SNTG2: variants seen among roughly 807,000 people sequenced by gnomAD.
SNTG2 encodes gamma-2-syntrophin.
In SNTG2, 74 loss-of-function variants were observed where a neutral mutation model predicts 70.9. The observed-to-expected ratio is 1.04, with a 90% CI of 0.86 to 1.27. The LOEUF (loss-of-function observed/expected upper bound fraction) is 1.27. Ranked by LOEUF, SNTG2 falls within the 50% of genes most tolerant of loss-of-function variation. SNTG2 has a pLI of 0.00. For missense variants in SNTG2, 717 were observed against 690.7 expected (o/e 1.04, Z -0.43); for synonymous variants, 278 against 273.8 (o/e 1.02, Z -0.15).
At chr2:1,142,993 C>T (rs530512233) in intron 6 of SNTG2, among the ~76,000 whole-genome samples, 13 of 152,110 alleles carry the variant, frequency 8.5e-5, no homozygotes, top group Non-Finnish European at 1.8e-4. Flanking sequence ...TGGCCAGATG[C>T]ATATTGAGGA....
chr2:1,270,568 C>A (rs1437438085), intron 14 of SNTG2, among the ~76,000 whole-genome samples: 3 of 152,180 alleles, frequency 2.0e-5, no homozygotes, highest in African/African-American at 7.2e-5. Flanking sequence ...AGGATCTACG[C>A]AAGATTTCAA....
intron 16 of SNTG2, among the ~76,000 whole-genome samples, chr2:1,356,775 C>T (rs775020386): frequency 2.0e-5 from 3 of 152,202 alleles, no homozygotes; most frequent in East Asian, 3.9e-4. Context: ...CACATTTTAA[C>T]AATATTAAGA....
At chr2:1,153,429 T>C (rs1233703121) in intron 6 of SNTG2, among the ~76,000 whole-genome samples, 1 of 152,198 alleles carries the variant, frequency 6.6e-6, no homozygotes, top group East Asian at 1.9e-4. Flanking sequence ...AAGATTGCAT[T>C]ATCGTTGTTC....
chr2:1,223,291 G>C (rs1675472524), intron 9 of SNTG2, among the ~76,000 whole-genome samples: 1 of 149,738 alleles, frequency 6.7e-6, no homozygotes, highest in Non-Finnish European at 1.5e-5. Flanking sequence ...TCCCTGTCCT[G>C]CCTGCTGCTG....
chr2:1,220,633 T>C (rs1674691775), intron 9 of SNTG2, among the ~76,000 whole-genome samples: 1 of 152,230 alleles, frequency 6.6e-6, no homozygotes, highest in Admixed American at 6.5e-5. Context: ...GAAAACTTTC[T>C]TTTGACGATA....
At chr2:1,137,595 A>G in intron 4 of SNTG2, 27 bp from the exon 5 acceptor site, 1 of 1,609,258 alleles carries the variant, frequency 6.2e-7, no homozygotes, top group Non-Finnish European at 8.5e-7. Flanking sequence ...TTCTCTTAAA[A>G]CTGTTGCCAC....
At chr2:1,175,664 C>A (rs1276012191) in intron 8 of SNTG2, among the ~76,000 whole-genome samples, 1 of 152,138 alleles carries the variant, frequency 6.6e-6, no homozygotes, top group Admixed American at 6.5e-5. Context: ...TTGTACAATT[C>A]CATTTGTCTG....
At chr2:1,115,001 C>T (rs1243722274) in intron 4 of SNTG2, among the ~76,000 whole-genome samples, 1 of 151,616 alleles carries the variant, frequency 6.6e-6, no homozygotes, top group African/African-American at 2.4e-5. Context: ...TCCTTACAGT[C>T]CTTTGAGGAG....
chr2:1,023,478 T>C (rs1387719078), intron 1 of SNTG2, among the ~76,000 whole-genome samples: 1 of 152,208 alleles, frequency 6.6e-6, no homozygotes, highest in Non-Finnish European at 1.5e-5. Flanking sequence ...TTTCCATCAC[T>C]GAGATAAAAG....
intron 16 of SNTG2, among the ~76,000 whole-genome samples, chr2:1,352,431 A>G (rs943020695): frequency 7.2e-5 from 11 of 152,268 alleles, no homozygotes; most frequent in African/African-American, 2.6e-4. Flanking sequence ...TCCTGGGCAC[A>G]GTGAGGCTGG....
intron 4 of SNTG2, among the ~76,000 whole-genome samples, chr2:1,122,102 G>T (rs951874887): frequency 6.6e-6 from 1 of 152,112 alleles, no homozygotes; most frequent in African/African-American, 2.4e-5. Flanking sequence ...TAGGGACATA[G>T]AAAAAGTAAT....
At chr2:958,803 A>T (rs774467990) in intron 1 of SNTG2, among the ~76,000 whole-genome samples, 1 of 152,190 alleles carries the variant, frequency 6.6e-6, no homozygotes, top group South Asian at 2.1e-4. Flanking sequence ...AAAATGTACT[A>T]TTTCTTACAT....
chr2:1,278,940 TGC>T (rs1679388870), intron 14 of SNTG2, among the ~76,000 whole-genome samples: 2 of 149,478 alleles, frequency 1.3e-5, no homozygotes, highest in Non-Finnish European at 3.0e-5. Context: ...CCCCTGTCAG[TGC>T]GCGAATCACC....
chr2:1,148,800 G>A (rs1669268626), intron 6 of SNTG2, among the ~76,000 whole-genome samples: 1 of 147,230 alleles, frequency 6.8e-6, no homozygotes, highest in African/African-American at 2.5e-5. Context: ...ATGGAAACAA[G>A]GAAGTGAGGA....
chr2:1,156,222 A>T (rs1669886786), intron 6 of SNTG2, among the ~76,000 whole-genome samples: 1 of 152,202 alleles, frequency 6.6e-6, no homozygotes, highest in Non-Finnish European at 1.5e-5. Context: ...AAACATTGTG[A>T]TGTAGGACGA....
chr2:1,363,606 C>A (rs992137773), intron 16 of SNTG2, among the ~76,000 whole-genome samples: 5 of 152,144 alleles, frequency 3.3e-5, no homozygotes, highest in Non-Finnish European at 7.4e-5. Flanking sequence ...AGGAGTGCAG[C>A]GAGGGATCCA....
chr2:1,362,182 A>AG (rs1558232907), intron 16 of SNTG2, among the ~76,000 whole-genome samples: 25 of 135,140 alleles, frequency 1.8e-4, no homozygotes, highest in East Asian at 7.5e-4. Context: ...CTTCCATGAG[A>AG]TACACCGATG....
intron 14 of SNTG2, among the ~76,000 whole-genome samples, chr2:1,281,720 C>T (rs918335784): frequency 5.9e-5 from 9 of 152,120 alleles, no homozygotes; most frequent in Non-Finnish European, 8.8e-5. Context: ...CAAGCCTCTG[C>T]ATTTAGTAAA....
At chr2:965,310 GTCCTCCTCCTTGGACCCCAA>G (rs1357893953) in intron 1 of SNTG2, among the ~76,000 whole-genome samples, 1 of 133,954 alleles carries the variant, frequency 7.5e-6, no homozygotes. Flanking sequence ...CTGGTCCCCA[GTCCTCCTCCTTGGACCCCAA>G]TCCTCCTCCT....
Sources: allele counts gnomAD v4.1 joint callset (sites outside exome capture counted in the v4.1 genomes callset), GRCh38; gene constraint gnomAD v4.1.1; transcripts MANE v1.5; gene names NCBI Gene and HGNC (gene_info 2026-07-23, HGNC 2026-07-21).